The following MIS18A variants were observed in gnomAD, a reference collection of about 807,000 sequenced individuals.
MIS18A encodes MIS18 kinetochore protein A, also known as protein Mis18-alpha.
In MIS18A, 14 loss-of-function variants were observed where a neutral mutation model predicts 25.0. The observed-to-expected ratio is 0.56, with a 90% CI of 0.37 to 0.88. The LOEUF is 0.88. MIS18A is among the 40% of genes least tolerant of loss of function. MIS18A has a pLI of 0.00. For synonymous variants in MIS18A, 134 were observed against 118.6 expected (o/e 1.13, Z -0.84); for missense variants, 292 against 290.8 (o/e 1.00, Z -0.03).
At chr21:32,227,644 T>C in the MIS18A span, among the ~76,000 whole-genome samples, 1 of 152,160 alleles carries the variant, frequency 6.6e-6, no homozygotes, top group African/African-American at 2.4e-5. Context: ...ATACTTGACG[T>C]CAATTCTTCA....
the MIS18A span, among the ~76,000 whole-genome samples, chr21:32,250,570 C>T: frequency 2.6e-5 from 4 of 152,074 alleles, no homozygotes; most frequent in Non-Finnish European, 5.9e-5. Flanking sequence ...TTCTCCAGCT[C>T]TGACTCCCTA....
At chr21:32,195,800 C>T in the MIS18A span, among the ~76,000 whole-genome samples, 1 of 151,926 alleles carries the variant, frequency 6.6e-6, no homozygotes, top group Admixed American at 6.6e-5. Flanking sequence ...CAGGTGGATA[C>T]CTTGAGGTCA....
At chr21:32,175,981 AT>A in the MIS18A span, among the ~76,000 whole-genome samples, 1 of 152,130 alleles carries the variant, frequency 6.6e-6, no homozygotes, top group Admixed American at 6.6e-5. Flanking sequence ...ACAGAGTAGG[AT>A]CCTTAATCCC....
the MIS18A span, among the ~76,000 whole-genome samples, chr21:32,215,033 G>A: frequency 1.3e-5 from 2 of 152,180 alleles, no homozygotes; most frequent in Admixed American, 6.5e-5. Flanking sequence ...AATGGGACGG[G>A]GACATAAGCA....
the MIS18A span, among the ~76,000 whole-genome samples, chr21:32,256,072 G>A: frequency 6.6e-6 from 1 of 152,072 alleles, no homozygotes; most frequent in African/African-American, 2.4e-5. Flanking sequence ...TACTTTTAGC[G>A]AATTTCTTCA....
chr21:32,208,596 C>T, the MIS18A span, among the ~76,000 whole-genome samples: 2 of 152,292 alleles, frequency 1.3e-5, no homozygotes, highest in Non-Finnish European at 2.9e-5. Context: ...TTACCCAGTC[C>T]AAGCTATTTC....
At chr21:32,211,835 T>C in the MIS18A span, among the ~76,000 whole-genome samples, 1 of 152,154 alleles carries the variant, frequency 6.6e-6, no homozygotes. Flanking sequence ...CCAAATTACA[T>C]AATTTTGTTC....
At chr21:32,175,885 C>T in the MIS18A span, among the ~76,000 whole-genome samples, 3 of 152,144 alleles carry the variant, frequency 2.0e-5, no homozygotes, top group East Asian at 5.8e-4. Flanking sequence ...ATTCTTATTC[C>T]ATATGCCTTT....
chr21:32,211,640 T>A, the MIS18A span, among the ~76,000 whole-genome samples: 4 of 152,318 alleles, frequency 2.6e-5, no homozygotes, highest in Non-Finnish European at 5.9e-5. Context: ...CAACCCATGA[T>A]GGAAGTCTTA....
At chr21:32,184,670 G>A in the MIS18A span, among the ~76,000 whole-genome samples, 9 of 152,116 alleles carry the variant, frequency 5.9e-5, no homozygotes, top group African/African-American at 2.2e-4. Flanking sequence ...ACGACCAACA[G>A]ATGTCCCACT....
At chr21:32,200,419 T>C in the MIS18A span, among the ~76,000 whole-genome samples, 1 of 151,090 alleles carries the variant, frequency 6.6e-6, no homozygotes, top group African/African-American at 2.5e-5. Context: ...CAGAATACTT[T>C]ATATCAAGGC....
At position 32,278,818 on chromosome 21, in the gene MIS18A, C is replaced by A. The variant is rs772708799; in HGVS notation, c.197G>T (p.Arg66Met). Residue 66 changes from arginine (R) to methionine (M), a missense_variant, in exon 1 of 5, where the codon AGG becomes ATG. Arg to Met is a moderately conservative substitution (Grantham distance 91). Transcript: ENST00000290130. ...SEDASVADME[R>M]AQLEEEAAAA... ...CGCCGCCTCCTCCTCCAGCTGCGCC[C>A]TCTCCATGTCGGCCACCGACGCGTC... is the stretch of plus-strand genomic sequence containing the variant. The A allele has an allele frequency of 6.3e-7, 1 of 1,599,720 alleles. No homozygotes were observed. The highest frequency in any genetic ancestry group is 1.1e-5 in the South Asian group (1 of 89,886).
At chr21:32,225,552 G>A in the MIS18A span, among the ~76,000 whole-genome samples, 1 of 10,854 alleles carries the variant, frequency 9.2e-5, no homozygotes, top group East Asian at 2.6e-3. Context: ...CTGGCCATCA[G>A]AGAAATGCAA....
the MIS18A span, among the ~76,000 whole-genome samples, chr21:32,177,898 C>CT: frequency 3.2e-5 from 3 of 92,416 alleles, no homozygotes; most frequent in South Asian, 3.4e-4. Flanking sequence ...AAAATCCTGG[C>CT]TTTTTTTTTC....
At chr21:32,222,781 A>T in the MIS18A span, among the ~76,000 whole-genome samples, 1 of 151,990 alleles carries the variant, frequency 6.6e-6, no homozygotes, top group Non-Finnish European at 1.5e-5. Context: ...ATACAAAAAA[A>T]TTAGCCAGGT....
At chr21:32,161,190 G>A in the MIS18A span, among the ~76,000 whole-genome samples, 67 of 152,136 alleles carry the variant, frequency 4.4e-4, 1 homozygote, top group South Asian at 0.011. Context: ...GATTTCCTTC[G>A]TTTTTATCTA....
At chr21:32,187,875 C>T in the MIS18A span, among the ~76,000 whole-genome samples, 1 of 152,040 alleles carries the variant, frequency 6.6e-6, no homozygotes, top group Non-Finnish European at 1.5e-5. Context: ...ATTCCCAACC[C>T]CCAGTGTGAT....
At chr21:32,267,404 C>T (rs953458453), downstream of MIS18A, among the ~76,000 whole-genome samples, 4 of 152,206 alleles carry the variant, frequency 2.6e-5, no homozygotes, top group Non-Finnish European at 5.9e-5. Context: ...AAGGCCCACT[C>T]TAGAGGCAGC....
At chr21:32,164,614 G>C in the MIS18A span, among the ~76,000 whole-genome samples, 1 of 151,366 alleles carries the variant, frequency 6.6e-6, no homozygotes, top group Admixed American at 6.6e-5. Flanking sequence ...CACAGCTGAA[G>C]TTTCCAAAAA....
Sources: allele counts gnomAD v4.1 joint callset (sites outside exome capture counted in the v4.1 genomes callset), GRCh38; gene constraint gnomAD v4.1.1; transcripts MANE v1.5; gene names NCBI Gene and HGNC (gene_info 2026-07-23, HGNC 2026-07-21).